The following MTSS1 variants were observed in gnomAD, a reference collection of about 807,000 sequenced individuals.
MTSS1 encodes the protein protein MTSS 1.
MTSS1 carries 18 observed loss-of-function variants against 79.0 expected under a neutral mutation model. The ratio of observed to expected loss-of-function variants is 0.23; its 90% CI spans 0.16 to 0.34. The LOEUF is 0.34. MTSS1 is among the 10% of genes least tolerant of loss of function. The pLI is 1.00. For missense variants in MTSS1, 815 were observed against 986.2 expected (o/e 0.83, Z 2.33); for synonymous variants, 341 against 368.6 (o/e 0.93, Z 0.86).
At chr8:124,565,225 A>C in intron 9 of MTSS1, among the ~76,000 whole-genome samples, 1 of 152,236 alleles carries the variant, frequency 6.6e-6, no homozygotes, top group South Asian at 2.1e-4. Context: ...TACTTTATGA[A>C]ACCCTGAAAC....
chr8:124,678,105 GATCCCTCCCAAACCATGATCTCA>G (rs1229684750), intron 3 of MTSS1, among the ~76,000 whole-genome samples: 1 of 152,144 alleles, frequency 6.6e-6, no homozygotes, highest in Non-Finnish European at 1.5e-5. Flanking sequence ...AATTGAGACT[GATCCCTCCCAAACCATGATCTCA>G]GCTGATCCCC....
At chr8:124,556,501 C>A in intron 11 of MTSS1, 96 bp from the exon 12 acceptor site, 1 of 1,353,822 alleles carries the variant, frequency 7.4e-7, no homozygotes, top group Non-Finnish European at 9.9e-7. Flanking sequence ...GGCAGCTGGT[C>A]CCCTTAAGGG....
chr8:124,571,737 G>A (rs1046816685), intron 6 of MTSS1, among the ~76,000 whole-genome samples: 19 of 152,298 alleles, frequency 1.2e-4, no homozygotes, highest in African/African-American at 3.4e-4. Flanking sequence ...AGGCCGCGGC[G>A]GGCGGATCAT....
At chr8:124,665,095 G>A (rs912870682) in intron 3 of MTSS1, among the ~76,000 whole-genome samples, 1 of 152,140 alleles carries the variant, frequency 6.6e-6, no homozygotes, top group Non-Finnish European at 1.5e-5. Flanking sequence ...CTTGGAGAGG[G>A]TAAGTAACTT....
Position 124,610,955 on chromosome 8 carries a change from C to T in MTSS1, c.209-19720G>A, listed in dbSNP as rs140216195. Among the ~76,000 whole-genome samples the T allele has an allele frequency of 7.4e-3, 1,132 of 152,300 alleles. 14 individuals carry two copies. The highest frequency in any genetic ancestry group is 0.026 in the African/African-American group (1,076 of 41,560). ...GAAATCCATGGTTGTCACTGTTATG[C>T]TACATGGAAACAGCACCAAGGACCC... is the stretch of plus-strand genomic sequence containing the variant. On this transcript the variant is annotated intron_variant, in intron 3 of 13. Coordinates refer to ENST00000518547, the MANE Select transcript of MTSS1 (RefSeq NM_014751.6).
intron 3 of MTSS1, among the ~76,000 whole-genome samples, chr8:124,603,788 C>T (rs1018889079): frequency 1.3e-5 from 2 of 152,182 alleles, no homozygotes; most frequent in Admixed American, 6.5e-5. Flanking sequence ...CACTGAGCAG[C>T]GTCCTGATAC....
rs769301331 is a variant in MTSS1 at position 124,568,472 on chromosome 8, T to C, written c.525A>G (p.Leu175=). The C allele has an allele frequency of 4.3e-6, 7 of 1,614,168 alleles. No homozygotes were observed. The highest frequency in any genetic ancestry group is 5.1e-6 in the Non-Finnish European group (6 of 1,180,028). The change falls in exon 7 of 14, where the codon TTA becomes TTG. Residue 175 remains leucine, a synonymous_variant. Coordinates refer to ENST00000518547, the MANE Select transcript of MTSS1 (RefSeq NM_014751.6). ...CAGCCTGCTTTTCTGTTTCTTCCAA[T>C]AAGAGATACTTATCATTGACATCTT... The part of the protein sequence containing the change: ...ALQDVNDKYL[L]LEETEKQAVR...
intron 3 of MTSS1, among the ~76,000 whole-genome samples, chr8:124,627,169 G>A (rs1814856006): frequency 6.6e-6 from 1 of 151,928 alleles, no homozygotes; most frequent in Non-Finnish European, 1.5e-5. Context: ...GGTACCTCTG[G>A]CCTCTGACCC....
intron 1 of MTSS1, among the ~76,000 whole-genome samples, chr8:124,722,366 G>A (rs7814121): frequency 0.14 from 20,544 of 152,148 alleles, 2,026 homozygotes; most frequent in Admixed American, 0.33. Context: ...GGAAGCAGGC[G>A]AGATGAGAGA....
chr8:124,638,070 T>C (rs1194479920), intron 3 of MTSS1, among the ~76,000 whole-genome samples: 1 of 152,274 alleles, frequency 6.6e-6, no homozygotes, highest in African/African-American at 2.4e-5. Flanking sequence ...ACATTTCCCC[T>C]ATGGGGTCTC....
At chr8:124,675,446 G>A (rs1284568045) in intron 3 of MTSS1, among the ~76,000 whole-genome samples, 4 of 152,218 alleles carry the variant, frequency 2.6e-5, no homozygotes, top group African/African-American at 9.7e-5. Context: ...TGAATAGGGT[G>A]TACCATATAT....
At chr8:124,577,622 A>G (rs1829223670) in intron 6 of MTSS1, 1 of 518,966 alleles carries the variant, frequency 1.9e-6, no homozygotes, top group South Asian at 1.4e-5. Context: ...GTCTAAGGGT[A>G]AAATTCTAGC....
In MTSS1 at chr8:124,727,606, C is replaced by G; in HGVS notation, c.72+278G>C. The G allele has an allele frequency of 1.7e-6, 1 of 605,958 alleles. No homozygotes were observed. Among genetic ancestry groups the G allele is most frequent in the Non-Finnish European group, 3.1e-6 (1 of 323,032 alleles). The allele number at this position is 605,958 out of a possible 1,614,324, so 37.5% of individuals were successfully genotyped here. A position where few individuals can be genotyped will look rare whatever the true frequency, so the allele number is the denominator to read the frequency against. On this transcript the variant is annotated intron_variant, in intron 1 of 13. Transcript: ENST00000518547. The surrounding 1 kb of genome is among the most constrained non-coding windows in gnomAD (Gnocchi z 4.7). ...AAACTTGCAGCCAGTGCCTTGAGCC[C>G]CCGAGGGAAAGAAATGGTGCCGCCC...
intron 3 of MTSS1, among the ~76,000 whole-genome samples, chr8:124,643,698 CAAAA>C (rs11323836): frequency 7.5e-5 from 5 of 66,898 alleles, no homozygotes; most frequent in African/African-American, 1.8e-4. Context: ...AATTCCGTCT[CAAAA>C]AAAAAAAAAA....
chr8:124,564,014 G>A (rs1221364320), intron 9 of MTSS1, among the ~76,000 whole-genome samples: 2 of 151,448 alleles, frequency 1.3e-5, no homozygotes, highest in East Asian at 3.9e-4. Context: ...ACCTATAATC[G>A]CAGCTACTTG....
intron 1 of MTSS1, among the ~76,000 whole-genome samples, chr8:124,725,816 A>G (rs1833611252): frequency 6.6e-6 from 1 of 152,216 alleles, no homozygotes; most frequent in South Asian, 2.1e-4. Flanking sequence ...GCAAAGTCCA[A>G]GAAAATATTC....
At chr8:124,571,315 G>C (rs1165463818) in intron 6 of MTSS1, among the ~76,000 whole-genome samples, 1 of 152,160 alleles carries the variant, frequency 6.6e-6, no homozygotes, top group South Asian at 2.1e-4. Flanking sequence ...TAAAATGCTG[G>C]CTAGTGCAAA....
intron 1 of MTSS1, among the ~76,000 whole-genome samples, chr8:124,706,349 T>C (rs1471537461): frequency 1.3e-5 from 2 of 152,228 alleles, no homozygotes; most frequent in East Asian, 1.9e-4. Flanking sequence ...ATAAGGGTCA[T>C]GTATCATTTT....
chr8:124,669,263 G>C (rs1315731975), intron 3 of MTSS1, among the ~76,000 whole-genome samples: 1 of 152,224 alleles, frequency 6.6e-6, no homozygotes. Context: ...ACAATTAGTA[G>C]AAAGCACAGC....
Sources: gnomAD v4.1 joint callset for allele counts (sites outside exome capture counted in the v4.1 genomes callset) on GRCh38, gnomAD v4.1.1 for gene constraint, Gnocchi (gnomAD v3.1) non-coding constraint, MANE v1.5 for transcripts, NCBI Gene and HGNC (gene_info 2026-07-23, HGNC 2026-07-21) for gene names.